CPED1: variants seen among roughly 807,000 people sequenced by gnomAD.
CPED1 encodes the protein cadherin like and PC-esterase domain containing 1.
A neutral mutation model predicts 128.2 loss-of-function variants in CPED1; 114 were observed. That is an observed-to-expected ratio of 0.89 (90% CI 0.76 to 1.04). The LOEUF is 1.04. Among genes scored for constraint, CPED1 ranks in the 50% least tolerant of loss-of-function variants. The pLI, the probability that CPED1 is intolerant of heterozygous loss-of-function variation, is 0.00. For missense variants in CPED1, 1,211 were observed against 1,207.1 expected (o/e 1.00, Z -0.05); for synonymous variants, 462 against 426.7 (o/e 1.08, Z -1.02).
chr7:121,154,668 C>T (rs763161013), intron 16 of CPED1, among the ~76,000 whole-genome samples: 3 of 152,050 alleles, frequency 2.0e-5, no homozygotes, highest in Non-Finnish European at 4.4e-5. Context: ...GCCTCAGCCT[C>T]CTGAGTAGCT....
At chr7:121,034,322 A>T (rs1792827454) in intron 3 of CPED1, among the ~76,000 whole-genome samples, 2 of 135,540 alleles carry the variant, frequency 1.5e-5, no homozygotes, top group African/African-American at 5.7e-5. Context: ...ATCTTGGCTC[A>T]CTGCAACCTC....
intron 2 of CPED1, among the ~76,000 whole-genome samples, chr7:120,997,212 C>A (rs1189056092): frequency 6.6e-6 from 1 of 152,198 alleles, no homozygotes; most frequent in Admixed American, 6.5e-5. Context: ...TTAAACATCC[C>A]TAATAAAACT....
chr7:121,272,794 T>A (rs1351116058), intron 22 of CPED1, among the ~76,000 whole-genome samples: 2 of 152,086 alleles, frequency 1.3e-5, no homozygotes, highest in Non-Finnish European at 2.9e-5. Context: ...AGACATGTGC[T>A]TGGCTCTGCT....
At position 121,140,837 on chromosome 7, in the gene CPED1, A is replaced by G. The variant is rs762444217; in HGVS notation, c.1710A>G (p.Thr570=). The part of the protein sequence containing the change: ...KEIHCSDDEN[T]PCHIKQIFTH... ...TTGTTTTTTTAACAGATGAAAACAC[A>G]CCATGTCATATCAAGCAGATCTTCA... is the stretch of plus-strand genomic sequence containing the variant. The change falls in exon 15 of 23, where the codon ACA becomes ACG. Residue 570 remains threonine, a synonymous_variant. Transcript: ENST00000310396. 1.7e-5 allele frequency: 27 copies of G among 1,611,022 alleles called. No individual in the cohort carries two copies. Among genetic ancestry groups the G allele is most frequent in the Non-Finnish European group, 8.5e-6 (10 of 1,178,442 alleles).
intron 2 of CPED1, chr7:120,993,925 C>A: frequency 3.3e-6 from 1 of 305,500 alleles, no homozygotes. Flanking sequence ...CTTCTCAGGG[C>A]AGCCACTAGA....
At chr7:121,142,745 A>G (rs934669145) in intron 16 of CPED1, among the ~76,000 whole-genome samples, 1 of 151,826 alleles carries the variant, frequency 6.6e-6, no homozygotes, top group African/African-American at 2.4e-5. Context: ...GTTTTTCCCT[A>G]TTTTTGCTCT....
At chr7:121,000,182 T>G (rs148930201) in intron 2 of CPED1, among the ~76,000 whole-genome samples, 135 of 152,274 alleles carry the variant, frequency 8.9e-4, no homozygotes, top group African/African-American at 3.0e-3. Context: ...CTTTAGATAT[T>G]TTTTCCAAGG....
intron 22 of CPED1, among the ~76,000 whole-genome samples, chr7:121,279,450 C>A (rs1007901381): frequency 6.8e-6 from 1 of 147,252 alleles, no homozygotes. Flanking sequence ...TCACTCCCCA[C>A]CCCCCGCCAC....
At chr7:121,149,095 C>G (rs181730433) in intron 16 of CPED1, among the ~76,000 whole-genome samples, 2 of 152,160 alleles carry the variant, frequency 1.3e-5, no homozygotes, top group Admixed American at 1.3e-4. Flanking sequence ...AATGCATAAC[C>G]TTTGCAGGTA....
At chr7:121,196,702 C>T (rs935003381) in intron 16 of CPED1, among the ~76,000 whole-genome samples, 2 of 152,012 alleles carry the variant, frequency 1.3e-5, no homozygotes, top group Non-Finnish European at 2.9e-5. Flanking sequence ...TATAAATGCA[C>T]ATTGATTTTC....
chr7:121,219,754 C>T (rs773497701), intron 16 of CPED1, among the ~76,000 whole-genome samples: 13 of 152,042 alleles, frequency 8.6e-5, no homozygotes, highest in Middle Eastern at 3.4e-3. Context: ...CAAGGGAAGC[C>T]GTATGTACTA....
chr7:121,239,380 T>C (rs1369338050), intron 17 of CPED1, among the ~76,000 whole-genome samples: 3 of 152,160 alleles, frequency 2.0e-5, no homozygotes. Context: ...TTTTAGGAAA[T>C]AGTTTAACTG....
intron 3 of CPED1, among the ~76,000 whole-genome samples, chr7:121,045,822 G>A (rs577307539): frequency 3.3e-5 from 5 of 151,684 alleles, no homozygotes; most frequent in Admixed American, 2.0e-4. Context: ...ACCCAGAGGG[G>A]TTTTTTCCTG....
chr7:121,107,660 T>G (rs1365501662), intron 7 of CPED1, among the ~76,000 whole-genome samples: 1 of 152,170 alleles, frequency 6.6e-6, no homozygotes, highest in Non-Finnish European at 1.5e-5. Flanking sequence ...CTTTAATGCT[T>G]AAGTTTATTA....
intron 16 of CPED1, among the ~76,000 whole-genome samples, chr7:121,225,317 C>T (rs1200301727): frequency 5.9e-5 from 9 of 152,146 alleles, no homozygotes; most frequent in Admixed American, 5.9e-4. Context: ...TCTCTTCTGG[C>T]TTATAGGGTT....
chr7:121,067,860 G>A (rs1314484563), intron 5 of CPED1, among the ~76,000 whole-genome samples: 1 of 152,088 alleles, frequency 6.6e-6, no homozygotes, highest in African/African-American at 2.4e-5. Context: ...TTCTCTGATG[G>A]CCAGTGATGA....
At chr7:121,129,297 ATATATATATATATACG>A (rs1244108673) in intron 11 of CPED1, among the ~76,000 whole-genome samples, 112 of 6,464 alleles carry the variant, frequency 0.017, no homozygotes, top group South Asian at 0.06. Flanking sequence ...GTATATATAT[ATATATATATATATACG>A]TATATATATA....
At chr7:121,066,950 A>C (rs1019104341) in intron 5 of CPED1, among the ~76,000 whole-genome samples, 3 of 152,160 alleles carry the variant, frequency 2.0e-5, no homozygotes, top group Non-Finnish European at 2.9e-5. Context: ...TAAGTAATCT[A>C]AAGATGACTT....
chr7:121,064,162 GT>G, intron 4 of CPED1, 75 bp from the exon 5 acceptor site: 3 of 971,246 alleles, frequency 3.1e-6, no homozygotes, highest in African/African-American at 3.2e-5. Context: ...TACTCTCTGG[GT>G]TTTTTGTGTT....
Sources: gnomAD v4.1 joint callset for allele counts (sites outside exome capture counted in the v4.1 genomes callset) on GRCh38, gnomAD v4.1.1 for gene constraint, MANE v1.5 for transcripts, NCBI Gene and HGNC (gene_info 2026-07-23, HGNC 2026-07-21) for gene names.